FYB2: variants seen among roughly 807,000 people sequenced by gnomAD.
FYB2 encodes the protein FYN-binding protein 2.
FYB2 carries 103 observed loss-of-function variants against 94.1 expected under a neutral mutation model. The ratio of observed to expected loss-of-function variants is 1.09; its 90% confidence interval spans 0.93 to 1.29. The LOEUF is 1.29. Among genes scored for constraint, FYB2 ranks in the 50% most tolerant of loss-of-function variants. The pLI is 0.00. For synonymous variants in FYB2, 293 were observed against 287.9 expected (o/e 1.02, Z -0.18); for missense variants, 896 against 841.5 (o/e 1.06, Z -0.80).
intron 1 of FYB2, among the ~76,000 whole-genome samples, chr1:56,793,622 G>C (rs535107789): frequency 6.6e-6 from 1 of 150,488 alleles, no homozygotes; most frequent in South Asian, 2.1e-4. Context: ...ATTACCTATT[G>C]GGTACTATGT....
chr1:56,772,722 T>C (rs1645787503), intron 4 of FYB2, among the ~76,000 whole-genome samples: 1 of 152,146 alleles, frequency 6.6e-6, no homozygotes, highest in Admixed American at 6.6e-5. Flanking sequence ...ACTGGGTAAA[T>C]ACCTTAAGCC....
intron 5 of FYB2, among the ~76,000 whole-genome samples, chr1:56,764,681 G>C (rs1414279503): frequency 6.6e-6 from 1 of 151,718 alleles, no homozygotes; most frequent in African/African-American, 2.4e-5. Context: ...TAAAGTCTTA[G>C]TCAGAAAATT....
intron 1 of FYB2, among the ~76,000 whole-genome samples, chr1:56,805,893 G>A (rs1646635445): frequency 6.6e-6 from 1 of 152,126 alleles, no homozygotes; most frequent in South Asian, 2.1e-4. Flanking sequence ...GGAACTGTAA[G>A]TCCATTAAAC....
At chr1:56,746,021 C>T (rs1236443369) in intron 9 of FYB2, among the ~76,000 whole-genome samples, 2 of 151,966 alleles carry the variant, frequency 1.3e-5, no homozygotes, top group Non-Finnish European at 2.9e-5. Flanking sequence ...TCTATGAGCA[C>T]TTTAAAATGG....
chr1:56,768,656 T>G (rs1203831115), intron 4 of FYB2, among the ~76,000 whole-genome samples: 1 of 152,174 alleles, frequency 6.6e-6, no homozygotes, highest in African/African-American at 2.4e-5. Context: ...GTAAAGATGC[T>G]TCCACAATCC....
intron 1 of FYB2, among the ~76,000 whole-genome samples, chr1:56,813,767 CAT>C (rs1646819692): frequency 6.6e-6 from 1 of 152,164 alleles, no homozygotes; most frequent in African/African-American, 2.4e-5. Context: ...GCTCTTTAAA[CAT>C]ATTAATTTAT....
intron 8 of FYB2, among the ~76,000 whole-genome samples, chr1:56,753,316 A>C (rs1645245484): frequency 6.6e-6 from 1 of 152,122 alleles, no homozygotes; most frequent in Non-Finnish European, 1.5e-5. Context: ...GAAAGCAACA[A>C]GAATACATTT....
rs1257328939 is a variant in FYB2 at position 56,731,087 on chromosome 1, A to C, written c.1794-4504T>G. 2.0e-5 allele frequency among the ~76,000 whole-genome samples: 3 copies of C among 152,016 alleles called. No individual in the cohort carries two copies. In the East Asian group the frequency reaches 5.8e-4, roughly 29 times the overall value. On this transcript the variant is annotated intron_variant, in intron 15 of 19. Transcript: ENST00000343433. ...TGAGACCCTGTTACAAAAACAAAAC[A>C]AAACAAAACAAAAAAACCCAACTCA...
intron 1 of FYB2, among the ~76,000 whole-genome samples, chr1:56,793,589 C>T (rs924840769): frequency 1.6e-4 from 25 of 151,924 alleles, no homozygotes; most frequent in Non-Finnish European, 2.8e-4. Flanking sequence ...GGTGAAGGAA[C>T]GAAGGGGCAT....
chr1:56,759,978 C>T (rs1328443553), intron 5 of FYB2, among the ~76,000 whole-genome samples: 1 of 150,898 alleles, frequency 6.6e-6, no homozygotes, highest in Non-Finnish European at 1.5e-5. Context: ...ACTCTGGAGG[C>T]TGAGGCAGGA....
At chr1:56,729,894 C>CAAATATATAAACCATATATTCCAT (rs1183448375) in intron 15 of FYB2, among the ~76,000 whole-genome samples, 1 of 151,902 alleles carries the variant, frequency 6.6e-6, no homozygotes. Context: ...TGAAACTAAA[C>CAAATATATAAACCATATATTCCAT]AAATATATGG....
At chr1:56,753,567 T>G (rs1645251883) in intron 8 of FYB2, among the ~76,000 whole-genome samples, 1 of 152,088 alleles carries the variant, frequency 6.6e-6, no homozygotes, top group African/African-American at 2.4e-5. Flanking sequence ...CACCTGAGAG[T>G]GGGTACTGCC....
intron 16 of FYB2, 97 bp downstream of exon 16, chr1:56,726,400 G>T: frequency 9.0e-7 from 1 of 1,110,202 alleles, no homozygotes; most frequent in Non-Finnish European, 1.3e-6. Flanking sequence ...TGAAACAGCT[G>T]AGAATCAAAT....
intron 1 of FYB2, among the ~76,000 whole-genome samples, chr1:56,802,908 C>T (rs893916191): frequency 6.6e-6 from 1 of 152,216 alleles, no homozygotes; most frequent in African/African-American, 2.4e-5. Context: ...AACATCAACA[C>T]AATCATCTTC....
chr1:56,747,862 A>G (rs1381286087), intron 9 of FYB2, among the ~76,000 whole-genome samples: 1 of 152,112 alleles, frequency 6.6e-6, no homozygotes, highest in Non-Finnish European at 1.5e-5. Context: ...TTACACTCTG[A>G]CCAACAGTGT....
At chr1:56,754,094 A>G (rs1645267856) in intron 7 of FYB2, among the ~76,000 whole-genome samples, 159 bp from the exon 8 acceptor site, 1 of 152,094 alleles carries the variant, frequency 6.6e-6, no homozygotes, top group South Asian at 2.1e-4. Context: ...AATTATATAC[A>G]TAGCTTCCTT....
chr1:56,815,149 T>C lies in FYB2; in HGVS notation c.9+4133A>G, dbSNP rs181164846. 7.3e-3 allele frequency among the ~76,000 whole-genome samples: 1,115 copies of C among 152,284 alleles called. 10 individuals are homozygous for C. Among genetic ancestry groups the C allele is most frequent in the African/African-American group, 0.026 (1,060 of 41,562 alleles). On this transcript the variant is annotated intron_variant, in intron 1 of 19. Coordinates refer to ENST00000343433, the MANE Select transcript of FYB2 (RefSeq NM_001004303.5). ...TAAACTTTCTGCTCTAGTAGCACCT[T>C]GCTGCCAACTATCCCCAACTATCAC... is the stretch of plus-strand genomic sequence containing the variant.
chr1:56,816,880 C>G (rs1172682818), intron 1 of FYB2, among the ~76,000 whole-genome samples: 1 of 118,536 alleles, frequency 8.4e-6, no homozygotes, highest in African/African-American at 3.2e-5. Context: ...TTTTTTTTGT[C>G]TAATCCATTA....
intron 1 of FYB2, among the ~76,000 whole-genome samples, chr1:56,808,926 T>C (rs931393283): frequency 6.6e-6 from 1 of 152,202 alleles, no homozygotes; most frequent in African/African-American, 2.4e-5. Flanking sequence ...GCTTAATCAA[T>C]AAATATTAAT....
Sources: allele counts gnomAD v4.1 joint callset (sites outside exome capture counted in the v4.1 genomes callset), GRCh38; gene constraint gnomAD v4.1.1; transcripts MANE v1.5; gene names NCBI Gene and HGNC (gene_info 2026-07-23, HGNC 2026-07-21).